Variants in CDH13 observed in about 807,000 individuals in gnomAD.
CDH13 encodes the protein cadherin-13.
A neutral mutation model predicts 63.8 loss-of-function variants in CDH13; 24 were observed. The ratio of observed to expected loss-of-function variants is 0.38; its 90% confidence interval spans 0.27 to 0.53. CDH13 has a LOEUF of 0.53. Ranked by LOEUF, CDH13 falls within the 20% of genes least tolerant of loss-of-function variation. The pLI is 0.85. For missense variants in CDH13, 1,049 were observed against 903.1 expected (o/e 1.16, Z -2.07); for synonymous variants, 503 against 355.3 (o/e 1.42, Z -4.67).
intron 2 of CDH13, among the ~76,000 whole-genome samples, chr16:82,978,154 G>A (rs1048825456): frequency 1.3e-5 from 2 of 152,304 alleles, no homozygotes; most frequent in African/African-American, 4.8e-5. Flanking sequence ...CCTTCAAGAG[G>A]TGGCTTGGGT....
intron 6 of CDH13, among the ~76,000 whole-genome samples, chr16:83,366,433 C>T (rs890501739): frequency 8.5e-5 from 13 of 152,274 alleles, no homozygotes; most frequent in Non-Finnish European, 1.8e-4. Flanking sequence ...ACGTGCGAGT[C>T]CCCAGCCCAC....
intron 3 of CDH13, among the ~76,000 whole-genome samples, chr16:83,072,812 C>T (rs916574692): frequency 6.6e-6 from 1 of 152,200 alleles, no homozygotes; most frequent in Non-Finnish European, 1.5e-5. Flanking sequence ...CCCAGATCTA[C>T]TGAATCAGAG....
intron 1 of CDH13, among the ~76,000 whole-genome samples, chr16:82,735,608 T>C (rs1241973853): frequency 2.0e-5 from 3 of 152,226 alleles, no homozygotes; most frequent in Non-Finnish European, 4.4e-5. Context: ...TTAGCACATT[T>C]ATTGCAGTGT....
At chr16:83,556,459 C>G (rs969653692) in intron 7 of CDH13, among the ~76,000 whole-genome samples, 1 of 152,190 alleles carries the variant, frequency 6.6e-6, no homozygotes, top group African/African-American at 2.4e-5. Context: ...CACATTCTCA[C>G]ATGCGGTGGT....
intron 4 of CDH13, among the ~76,000 whole-genome samples, chr16:83,139,422 T>C (rs1377452340): frequency 6.6e-6 from 1 of 152,250 alleles, no homozygotes; most frequent in Non-Finnish European, 1.5e-5. Flanking sequence ...TTATTTTAAA[T>C]ACATTTCTTC....
intron 6 of CDH13, among the ~76,000 whole-genome samples, chr16:83,393,664 GTTGAATCATTCATTCATTGAA>G (rs1488156466): frequency 4.6e-5 from 7 of 152,194 alleles, no homozygotes; most frequent in African/African-American, 1.7e-4. Context: ...ATTCAATTCA[GTTGAATCATTCATTCATTGAA>G]TTGAATCATT....
intron 6 of CDH13, among the ~76,000 whole-genome samples, chr16:83,431,158 T>TGCTGC (rs1289836415): frequency 2.0e-5 from 3 of 152,066 alleles, no homozygotes; most frequent in Non-Finnish European, 4.4e-5. Context: ...CATCATTTTT[T>TGCTGC]ATGGCTGCAT....
At chr16:82,931,602 T>C (rs895302961) in intron 2 of CDH13, among the ~76,000 whole-genome samples, 5 of 151,638 alleles carry the variant, frequency 3.3e-5, no homozygotes, top group African/African-American at 1.2e-4. Context: ...TACCTGAGAC[T>C]GGGTAATTTA....
At chr16:83,013,222 T>G (rs1485366301) in intron 2 of CDH13, among the ~76,000 whole-genome samples, 1 of 152,236 alleles carries the variant, frequency 6.6e-6, no homozygotes, top group Admixed American at 6.5e-5. Context: ...GCCATATACA[T>G]GTAGGTGAAT....
intron 3 of CDH13, among the ~76,000 whole-genome samples, chr16:83,081,141 A>G (rs1285526311): frequency 1.3e-5 from 2 of 152,002 alleles, no homozygotes; most frequent in East Asian, 3.9e-4. Flanking sequence ...TCAGCCTCCC[A>G]AAATGCTGGG....
At chr16:83,266,071 A>G (rs942664114) in intron 5 of CDH13, among the ~76,000 whole-genome samples, 1 of 151,776 alleles carries the variant, frequency 6.6e-6, no homozygotes, top group Non-Finnish European at 1.5e-5. Context: ...CTAGTACCTG[A>G]GATTACAGGC....
At chr16:83,062,091 T>C (rs1318146428) in intron 3 of CDH13, among the ~76,000 whole-genome samples, 2 of 152,168 alleles carry the variant, frequency 1.3e-5, no homozygotes, top group African/African-American at 4.8e-5. Context: ...TGCTGTGGCC[T>C]CTCTTGGATG....
At chr16:83,264,385 A>G (rs1356937917) in intron 5 of CDH13, among the ~76,000 whole-genome samples, 1 of 152,182 alleles carries the variant, frequency 6.6e-6, no homozygotes, top group Non-Finnish European at 1.5e-5. Flanking sequence ...CGCTTTTTGA[A>G]ATAGAACTTT....
chr16:82,803,834 C>T (rs1033560474), intron 1 of CDH13, among the ~76,000 whole-genome samples: 6 of 152,128 alleles, frequency 3.9e-5, no homozygotes, highest in African/African-American at 1.4e-4. Flanking sequence ...AAATTTATTG[C>T]TCAGTGGGTA....
chr16:83,479,651 C>G (rs1466123171), intron 6 of CDH13, among the ~76,000 whole-genome samples: 1 of 18,066 alleles, frequency 5.5e-5, no homozygotes, highest in South Asian at 3.6e-3. Flanking sequence ...AGTGAGACTC[C>G]GTCTCCAAAA....
At chr16:83,160,701 A>G (rs1207460193) in intron 4 of CDH13, among the ~76,000 whole-genome samples, 1 of 152,208 alleles carries the variant, frequency 6.6e-6, no homozygotes, top group Non-Finnish European at 1.5e-5. Flanking sequence ...GTGATATTTT[A>G]TAAATATCAA....
chr16:82,799,371 C>G (rs1407077797), intron 1 of CDH13, among the ~76,000 whole-genome samples: 2 of 152,188 alleles, frequency 1.3e-5, no homozygotes, highest in Non-Finnish European at 2.9e-5. Context: ...ATCACTTCCT[C>G]TTGCCAAATT....
In CDH13 at chr16:82,714,949, C is replaced by A. The variant is rs1358224344; in HGVS notation, c.45+87812C>A. Among the ~76,000 whole-genome samples the A allele has an allele frequency of 2.5e-5, 3 of 118,072 alleles. No individual in the cohort carries two copies. The South Asian group carries it at 1.1e-3, about 42-fold the overall frequency. The allele number at this position is 118,072 out of a possible 152,430, so 77.5% of individuals were successfully genotyped here. A position where few individuals can be genotyped will look rare whatever the true frequency, so the allele number is the denominator to read the frequency against. ...TTGCCTCCAGAACTGTGAGCGATCA[C>A]ATTTCTCTTGTTTTACACCAGCCAG... On this transcript the variant is annotated intron_variant, in intron 1 of 13. Transcript: ENST00000567109.
At chr16:82,990,547 GTTTT>G (rs369121464) in intron 2 of CDH13, among the ~76,000 whole-genome samples, 6 of 139,884 alleles carry the variant, frequency 4.3e-5, no homozygotes, top group African/African-American at 1.6e-4. Flanking sequence ...TTTGGTTTGG[GTTTT>G]TTTTTTTTTT....
Sources: allele counts gnomAD v4.1 joint callset (sites outside exome capture counted in the v4.1 genomes callset), GRCh38; gene constraint gnomAD v4.1.1; transcripts MANE v1.5; gene names NCBI Gene and HGNC (gene_info 2026-07-23, HGNC 2026-07-21).